The following HECW1 variants were observed in gnomAD, a reference collection of about 807,000 sequenced individuals.
HECW1 encodes the protein HECT, C2 and WW domain containing E3 ubiquitin protein ligase 1, also known as E3 ubiquitin-protein ligase HECW1.
HECW1 carries 61 observed loss-of-function variants against 182.3 expected under a neutral mutation model. The observed-to-expected ratio is 0.33, with a 90% CI of 0.27 to 0.41. The LOEUF (loss-of-function observed/expected upper bound fraction) is 0.41, where lower values mean the gene tolerates loss of function less well. Ranked by LOEUF, HECW1 falls within the 10% of genes least tolerant of loss-of-function variation. The pLI is 1.00. For missense variants in HECW1, 1,739 were observed against 2,108.9 expected (o/e 0.82, Z 3.44); for synonymous variants, 859 against 832.6 (o/e 1.03, Z -0.55).
intron 12 of HECW1, among the ~76,000 whole-genome samples, chr7:43,452,902 C>T (rs1229143278): frequency 1.3e-5 from 2 of 152,118 alleles, no homozygotes; most frequent in African/African-American, 4.8e-5. Context: ...CACTGCCAGT[C>T]GGGAGTTGGA....
rs1405252209 is a variant in HECW1, at chr7:43,445,509, C to T, written c.2337C>T (p.His779=). 2.5e-6 allele frequency: 4 copies of T among 1,610,850 alleles called. No homozygotes were observed. The highest frequency in any genetic ancestry group is 2.2e-5 in the East Asian group (1 of 44,806). The change falls in exon 11 of 30, where the codon CAC becomes CAT. Residue 779 remains histidine (H), a synonymous_variant. Transcript: ENST00000395891. ...ACGAGCTGGCCGCCCCTAGCGGGCA[C>T]GTGGAAAGAAGCCCGGAAGGTCTGG... ...WQDELAAPSG[H]VERSPEGLES...
intron 3 of HECW1, among the ~76,000 whole-genome samples, chr7:43,283,179 G>A (rs1454706530): frequency 6.6e-6 from 1 of 151,598 alleles, no homozygotes; most frequent in East Asian, 1.9e-4. Flanking sequence ...GGGACCCCTG[G>A]AAGGCCCCCA....
Position 43,421,505 on chromosome 7 carries a change from G to C in HECW1, c.801+13774G>C, listed in dbSNP as rs144916847. ...CTTTACATTAAGAGCAAGCCACAGA[G>C]TGGGTAAAGATGTTGAGCTATGTCT... On this transcript the variant is annotated intron_variant, in intron 8 of 29. Coordinates refer to ENST00000395891, the MANE Select transcript of HECW1 (RefSeq NM_015052.5). Among the ~76,000 whole-genome samples, 4 of 152,298 alleles carry C rather than the reference G, an allele frequency of 2.6e-5. No individual in the cohort carries two copies. The East Asian group carries it at 7.7e-4, about 29-fold the overall frequency.
At chr7:43,277,789 A>T (rs1257775859) in intron 3 of HECW1, among the ~76,000 whole-genome samples, 1 of 151,858 alleles carries the variant, frequency 6.6e-6, no homozygotes, top group African/African-American at 2.4e-5. Flanking sequence ...TGTTAGAACC[A>T]CCAAGGATCT....
chr7:43,274,449 C>T, intron 3 of HECW1: 1 of 638,230 alleles, frequency 1.6e-6, no homozygotes. Flanking sequence ...ACAGGGAATA[C>T]TGGGACCTGA....
rs185772182 is a variant in HECW1, at chr7:43,302,504, G to A, written c.28-9259G>A. 2.1e-3 allele frequency among the ~76,000 whole-genome samples: 320 copies of A among 152,320 alleles called. 1 individual carries two copies. Among genetic ancestry groups the A allele is most frequent in the African/African-American group, 7.0e-3 (292 of 41,578 alleles). On this transcript the variant is annotated intron_variant, in intron 3 of 29. Transcript: ENST00000395891. ...AAGCAGGTGGTGGTGCCCTGGTTAC[G>A]GGAAGAGGCACAGTGACCCCACTCA... is the stretch of plus-strand genomic sequence containing the variant.
chr7:43,120,474 C>T (rs1174664741), intron 2 of HECW1, among the ~76,000 whole-genome samples: 1 of 152,074 alleles, frequency 6.6e-6, no homozygotes, highest in Non-Finnish European at 1.5e-5. Flanking sequence ...AGAGCAGGAA[C>T]CTATTTGTTT....
intron 2 of HECW1, among the ~76,000 whole-genome samples, chr7:43,120,900 A>G (rs1238462062): frequency 6.6e-6 from 1 of 152,050 alleles, no homozygotes; most frequent in Non-Finnish European, 1.5e-5. Flanking sequence ...AATCTGAGTG[A>G]TCTGTAATCC....
intron 5 of HECW1, among the ~76,000 whole-genome samples, chr7:43,340,948 G>A (rs1200292320): frequency 6.6e-6 from 1 of 151,750 alleles, no homozygotes; most frequent in East Asian, 1.9e-4. Context: ...AGAAAATGTG[G>A]CACATATACA....
chr7:43,131,273 A>T (rs1006885274), intron 2 of HECW1, among the ~76,000 whole-genome samples: 32 of 151,964 alleles, frequency 2.1e-4, no homozygotes, highest in African/African-American at 5.8e-4. Flanking sequence ...TCAAAAAAAA[A>T]TTTTTTTTGT....
At chr7:43,302,955 GCA>G (rs544198607) in intron 3 of HECW1, among the ~76,000 whole-genome samples, 1 of 151,094 alleles carries the variant, frequency 6.6e-6, no homozygotes, top group Non-Finnish European at 1.5e-5. Context: ...ACACATGCGC[GCA>G]CACACACACA....
At chr7:43,482,380 G>T (rs1161849053) in intron 17 of HECW1, among the ~76,000 whole-genome samples, 2 of 152,232 alleles carry the variant, frequency 1.3e-5, no homozygotes, top group African/African-American at 4.8e-5. Context: ...GCTGTGATGT[G>T]ATTTTGCTCA....
intron 2 of HECW1, among the ~76,000 whole-genome samples, chr7:43,221,595 C>G (rs371107271): frequency 9.4e-6 from 1 of 105,974 alleles, no homozygotes; most frequent in Non-Finnish European, 1.7e-5. Context: ...AGCCTGTTGC[C>G]CAGGCTGGAG....
chr7:43,237,989 T>G (rs759667164), intron 2 of HECW1, among the ~76,000 whole-genome samples: 2 of 152,176 alleles, frequency 1.3e-5, no homozygotes, highest in African/African-American at 2.4e-5. Flanking sequence ...TTTGCATAAT[T>G]CTGCCCCATC....
intron 5 of HECW1, among the ~76,000 whole-genome samples, chr7:43,358,187 G>T (rs573775037): frequency 4.6e-5 from 7 of 152,170 alleles, no homozygotes; most frequent in Non-Finnish European, 1.0e-4. Flanking sequence ...GCACCTACAG[G>T]CAGAGTAACT....
chr7:43,314,764 G>C (rs1368591054), intron 4 of HECW1, among the ~76,000 whole-genome samples: 2 of 152,216 alleles, frequency 1.3e-5, no homozygotes, highest in African/African-American at 4.8e-5. Flanking sequence ...ATCCGAAATT[G>C]TCTGTGAATC....
At chr7:43,126,397 A>G (rs958268375) in intron 2 of HECW1, among the ~76,000 whole-genome samples, 38 of 152,320 alleles carry the variant, frequency 2.5e-4, no homozygotes, top group East Asian at 1.9e-3. Flanking sequence ...TTCTGTTTTC[A>G]TAGATAAGGT....
intron 16 of HECW1, 24 bp downstream of exon 16, chr7:43,469,129 C>T: frequency 2.5e-6 from 4 of 1,607,906 alleles, no homozygotes; most frequent in East Asian, 2.2e-5. Flanking sequence ...ACGTGCGGGG[C>T]TTTCATCAAA....
chr7:43,378,517 A>G (rs1168766830), intron 6 of HECW1, among the ~76,000 whole-genome samples: 1 of 152,204 alleles, frequency 6.6e-6, no homozygotes, highest in Non-Finnish European at 1.5e-5. Context: ...AACCCTTGGC[A>G]CTTTCGGCCA....
Sources: allele counts gnomAD v4.1 joint callset (sites outside exome capture counted in the v4.1 genomes callset), GRCh38; gene constraint gnomAD v4.1.1; transcripts MANE v1.5; gene names NCBI Gene and HGNC (gene_info 2026-07-23, HGNC 2026-07-21).